BTAF1: variants seen among roughly 807,000 people sequenced by gnomAD.
BTAF1 encodes the protein B-TFIID TATA-box binding protein associated factor 1, also known as TATA-binding protein-associated factor 172.
In BTAF1, 38 loss-of-function variants were observed where a neutral mutation model predicts 227.1. That is an observed-to-expected ratio of 0.17 (90% CI 0.13 to 0.22). The LOEUF is 0.22. Ranked by LOEUF, BTAF1 falls within the 10% of genes least tolerant of loss-of-function variation. The probability of loss-of-function intolerance (pLI) is 1.00; values close to 1 mark genes in which losing one functional copy is unlikely to be tolerated. For synonymous variants in BTAF1, 742 were observed against 751.9 expected, an observed-to-expected ratio of 0.99 and a Z score of 0.21; for missense variants, 1,598 against 2,204.0, an observed-to-expected ratio of 0.73 and a Z score of 5.51.
intron 2 of BTAF1, among the ~76,000 whole-genome samples, chr10:91,937,821 G>A (rs1042359083): frequency 2.6e-5 from 4 of 152,080 alleles, no homozygotes; most frequent in African/African-American, 9.7e-5. Flanking sequence ...TAGAATTACT[G>A]TACCATATGG....
chr10:91,976,863 A>G (rs955454137), intron 14 of BTAF1, among the ~76,000 whole-genome samples: 5 of 152,222 alleles, frequency 3.3e-5, no homozygotes, highest in African/African-American at 1.2e-4. Flanking sequence ...AGTGCTTAAA[A>G]TAGGAGACTA....
At chr10:92,027,749 T>C (rs923532820) in intron 37 of BTAF1, among the ~76,000 whole-genome samples, 1 of 150,532 alleles carries the variant, frequency 6.6e-6, no homozygotes, top group African/African-American at 2.4e-5. Flanking sequence ...GCCATTGTTA[T>C]TGCAGATGAT....
In BTAF1 at chr10:91,997,614, C is replaced by T. The variant is rs765985554; in HGVS notation, c.3523C>T (p.Gln1175Ter). 6.2e-7 allele frequency: 1 copy of T among 1,613,410 alleles called. No homozygotes were observed. Among genetic ancestry groups the T allele is most frequent in the Non-Finnish European group, 8.5e-7 (1 of 1,179,608 alleles). ...AATCACTTACTCAGGTGTAATGGAA[C>T]AACTAGATGTTGGTATTGTTCCATA... ...AIEALACVME[Q>*]LDVGIVPYIV... Residue 1175 changes from glutamine (Q) to a stop codon, truncating the protein, a stop_gained, in exon 25 of 38, where the codon CAA (glutamine) becomes TAA (stop). Coordinates refer to ENST00000265990, the MANE Select transcript of BTAF1 (RefSeq NM_003972.3). LOFTEE classifies it high-confidence loss of function.
chr10:92,006,602 A>T (rs908337727), intron 25 of BTAF1, among the ~76,000 whole-genome samples: 2 of 152,212 alleles, frequency 1.3e-5, no homozygotes, highest in South Asian at 2.1e-4. Flanking sequence ...ATAATATTTT[A>T]AAAATCATGT....
chr10:91,989,664 A>C lies in BTAF1; in HGVS notation c.2854+84A>C. On this transcript the variant is annotated intron_variant, in intron 20 of 37. Coordinates refer to ENST00000265990, the MANE Select transcript of BTAF1 (RefSeq NM_003972.3). ...TACTTATGGGTATAATTTAAGCACAAATCCAGTTCATGTTAGTGTTTTTTC... is the reference window on the plus strand; with the variant it reads ...TACTTATGGGTATAATTTAAGCACACATCCAGTTCATGTTAGTGTTTTTTC... The C allele has an allele frequency of 2.4e-6, 3 of 1,263,868 alleles. No homozygotes were observed. In the South Asian group the frequency reaches 4.7e-5, roughly 20 times the overall value. The allele number at this position is 1,263,868 out of a possible 1,614,324, so 78.3% of individuals were successfully genotyped here. A position where few individuals can be genotyped will look rare whatever the true frequency, so the allele number is the denominator to read the frequency against.
In BTAF1 at chr10:92,008,605, C is replaced by T. The variant is rs2995545; in HGVS notation, c.3814-224C>T. 0.32 allele frequency among the ~76,000 whole-genome samples: 48,339 copies of T among 151,418 alleles called. 8,830 individuals are homozygous for T. Among genetic ancestry groups the T allele is most frequent in the South Asian group, 0.52 (2,486 of 4,738 alleles). ...TTCAAGTGATCCTCCCACCTTGGCC[C>T]CCCAAAGTGCTGGGATTAGAGATGT... On this transcript the variant is annotated intron_variant, in intron 26 of 37. Coordinates refer to ENST00000265990, the MANE Select transcript of BTAF1 (RefSeq NM_003972.3).
intron 34 of BTAF1, among the ~76,000 whole-genome samples, chr10:92,024,362 T>C (rs1294441379): frequency 1.3e-5 from 2 of 152,150 alleles, no homozygotes; most frequent in African/African-American, 4.8e-5. Flanking sequence ...TCTCAAGGAT[T>C]GAGGAAAAGG....
At chr10:92,026,824 T>G in intron 36 of BTAF1, 73 bp downstream of exon 36, 5 of 1,477,656 alleles carry the variant, frequency 3.4e-6, no homozygotes, top group Non-Finnish European at 4.6e-6. Context: ...ATAGGAAACC[T>G]TGGTTTAGTT....
In BTAF1 at chr10:91,956,508, T is replaced by C. The variant is rs150936153; in HGVS notation, c.702-20T>C. 4.4e-3 allele frequency: 7,053 copies of C among 1,587,930 alleles called. 18 individuals carry two copies. The highest frequency in any genetic ancestry group is 5.4e-3 in the Non-Finnish European group (6,273 of 1,171,706). On this transcript the variant is annotated intron_variant, in intron 6 of 37. Transcript: ENST00000265990. The stretch of plus-strand genomic sequence containing the variant: ...CATTACGCTTTATTCATTTTCTAAA[T>C]GGTGACTTTTATTTTTTAGCAATGA...
At chr10:91,954,876 G>T (rs950410128) in intron 6 of BTAF1, among the ~76,000 whole-genome samples, 1 of 152,108 alleles carries the variant, frequency 6.6e-6, no homozygotes, top group Non-Finnish European at 1.5e-5. Context: ...ATATTCTTGG[G>T]TCCCACTCAG....
intron 28 of BTAF1, 66 bp from the exon 29 acceptor site, chr10:92,011,007 C>A: frequency 1.7e-6 from 2 of 1,184,784 alleles, no homozygotes; most frequent in East Asian, 2.4e-5. Flanking sequence ...GCACTTTATA[C>A]AAATGGTAGC....
intron 1 of BTAF1, among the ~76,000 whole-genome samples, chr10:91,931,629 A>G (rs1017014423): frequency 1.3e-5 from 2 of 151,912 alleles, no homozygotes; most frequent in Non-Finnish European, 2.9e-5. Context: ...CTACCCTCCA[A>G]CATAATACTG....
At chr10:92,011,207 T>G in intron 29 of BTAF1, 57 bp downstream of exon 29, 1 of 1,518,246 alleles carries the variant, frequency 6.6e-7, no homozygotes, top group Non-Finnish European at 8.9e-7. Context: ...ACTCTTAATA[T>G]TTTCCCACTT....
intron 37 of BTAF1, 47 bp downstream of exon 37, chr10:92,027,347 T>G (rs923513289): frequency 6.6e-7 from 1 of 1,516,682 alleles, no homozygotes; most frequent in African/African-American, 1.4e-5. Context: ...ACAGGCTTCC[T>G]GTGACTGCTA....
At chr10:91,989,099 A>C in intron 19 of BTAF1, 55 bp from the exon 20 acceptor site, 1 of 1,434,060 alleles carries the variant, frequency 7.0e-7, no homozygotes, top group Non-Finnish European at 9.3e-7. Flanking sequence ...AGGAGCTTAC[A>C]GTCTATTTGG....
intron 17 of BTAF1, 24 bp downstream of exon 17, chr10:91,982,249 T>A: frequency 6.2e-7 from 1 of 1,613,698 alleles, no homozygotes; most frequent in Non-Finnish European, 8.5e-7. Flanking sequence ...AAGTGTCAGG[T>A]AGTCATACAT....
chr10:91,956,301 C>T (rs1473306677), intron 6 of BTAF1, among the ~76,000 whole-genome samples: 2 of 152,052 alleles, frequency 1.3e-5, no homozygotes, highest in Non-Finnish European at 2.9e-5. Flanking sequence ...AATTCACCAA[C>T]CTATAGTGTA....
At chr10:91,946,652 C>T (rs1845385722) in intron 4 of BTAF1, among the ~76,000 whole-genome samples, 1 of 152,086 alleles carries the variant, frequency 6.6e-6, no homozygotes, top group Non-Finnish European at 1.5e-5. Context: ...TCCCTGATGT[C>T]CAATAATGTT....
At chr10:92,014,157 A>G in intron 32 of BTAF1, 128 bp downstream of exon 32, 1 of 964,950 alleles carries the variant, frequency 1.0e-6, no homozygotes, top group Admixed American at 2.5e-5. Flanking sequence ...AGCCTAAATG[A>G]TGTGGATGTA....
Sources: gnomAD v4.1 joint callset for allele counts (sites outside exome capture counted in the v4.1 genomes callset) on GRCh38, gnomAD v4.1.1 for gene constraint, MANE v1.5 for transcripts, NCBI Gene and HGNC (gene_info 2026-07-23, HGNC 2026-07-21) for gene names.